Variants in LRRFIP2 observed in about 807,000 individuals in gnomAD.
LRRFIP2 encodes leucine-rich repeat flightless-interacting protein 2.
A neutral mutation model predicts 125.9 loss-of-function variants in LRRFIP2; 109 were observed. That is an observed-to-expected ratio of 0.87 (90% CI 0.74 to 1.01). The LOEUF is 1.01. LRRFIP2 is among the 50% of genes least tolerant of loss of function. LRRFIP2 has a pLI of 0.00. For missense variants in LRRFIP2, 850 were observed against 862.3 expected (o/e 0.99, Z 0.18); for synonymous variants, 291 against 293.1 (o/e 0.99, Z 0.07).
At chr3:37,096,538 T>A (rs1576488253) in intron 16 of LRRFIP2, 78 bp downstream of exon 16, 1 of 907,322 alleles carries the variant, frequency 1.1e-6, no homozygotes, top group East Asian at 2.7e-5. Flanking sequence ...CCAATTGTTG[T>A]AAAATAAATA....
chr3:37,150,795 GTC>G (rs1014575360), intron 1 of LRRFIP2, among the ~76,000 whole-genome samples: 1 of 152,154 alleles, frequency 6.6e-6, no homozygotes, highest in African/African-American at 2.4e-5. Flanking sequence ...TCTCAAGTAA[GTC>G]TGTCCTAACA....
chr3:37,057,763 A>G (rs2087329645), intron 25 of LRRFIP2, among the ~76,000 whole-genome samples: 4 of 152,188 alleles, frequency 2.6e-5, no homozygotes, highest in Admixed American at 2.6e-4. Flanking sequence ...AAAAGTCACT[A>G]TTCTTATTGG....
At chr3:37,169,444 T>C (rs963851444) in intron 1 of LRRFIP2, among the ~76,000 whole-genome samples, 1 of 152,222 alleles carries the variant, frequency 6.6e-6, no homozygotes, top group African/African-American at 2.4e-5. Flanking sequence ...AGCTGAATTT[T>C]TTTCTACATT....
At chr3:37,062,233 C>T (rs549261265) in intron 24 of LRRFIP2, among the ~76,000 whole-genome samples, 1 of 152,322 alleles carries the variant, frequency 6.6e-6, no homozygotes, top group South Asian at 2.1e-4. Context: ...ATAATATTGT[C>T]TGATGTCTTC....
intron 21 of LRRFIP2, among the ~76,000 whole-genome samples, chr3:37,068,921 AGACCACTAAT>A: frequency 6.6e-6 from 1 of 152,342 alleles, no homozygotes; most frequent in Non-Finnish European, 1.5e-5. Context: ...GCTAGAGGCA[AGACCACTAAT>A]GAACTGAACT....
At chr3:37,157,990 T>C (rs1008506688) in intron 1 of LRRFIP2, among the ~76,000 whole-genome samples, 3 of 152,220 alleles carry the variant, frequency 2.0e-5, no homozygotes, top group African/African-American at 4.8e-5. Flanking sequence ...AATCTTTCCA[T>C]TTCCTCCCTT....
chr3:37,057,256 T>C (rs1411422795), intron 25 of LRRFIP2, among the ~76,000 whole-genome samples: 2 of 152,196 alleles, frequency 1.3e-5, no homozygotes, highest in Admixed American at 1.3e-4. Context: ...TTAAATTTGC[T>C]GCTTAAGGAC....
intron 15 of LRRFIP2, among the ~76,000 whole-genome samples, chr3:37,096,971 T>C (rs1651433779): frequency 6.6e-6 from 1 of 151,942 alleles, no homozygotes; most frequent in South Asian, 2.1e-4. Flanking sequence ...GCACTGCAAA[T>C]GTTAATACAA....
At chr3:37,122,448 A>C (rs2095096268) in intron 4 of LRRFIP2, among the ~76,000 whole-genome samples, 1 of 152,304 alleles carries the variant, frequency 6.6e-6, no homozygotes, top group Admixed American at 6.5e-5. Flanking sequence ...ATACTTAACA[A>C]AGAGAACTTG....
rs185336902 is a variant in LRRFIP2 at position 37,082,951 on chromosome 3, G to C, written c.1278+685C>G. Among the ~76,000 whole-genome samples the C allele has an allele frequency of 3.3e-5, 5 of 152,192 alleles. No individual in the cohort carries two copies. In the East Asian group the frequency reaches 7.7e-4, roughly 23 times the overall value. On this transcript the variant is annotated intron_variant, in intron 19 of 27. Transcript: ENST00000336686. The stretch of plus-strand genomic sequence containing the variant: ...GATTTTTTATATTGGCAATGTAGTA[G>C]CAATCCATTTCTGGCAATAATACCC...
In LRRFIP2 at chr3:37,108,072, C is replaced by T. The variant is rs752003807; in HGVS notation, c.714+1G>A. On this transcript the variant is annotated splice_donor_variant, in intron 13 of 27. Transcript: ENST00000336686. LOFTEE classifies it high-confidence loss of function. The stretch of plus-strand genomic sequence containing the variant: ...AAGCATGCAGAGACTAGACAGCTCA[C>T]CCCTGGACTGCTTCGGGCTGAACTT... 13 of 1,613,438 alleles carry T rather than the reference C, an allele frequency of 8.1e-6. No homozygotes were observed. In the Admixed American group the frequency reaches 2.2e-4, roughly 27 times the overall value.
rs567639056 is a variant in LRRFIP2, at chr3:37,133,504, G to C, written c.91-4355C>G. On this transcript the variant is annotated intron_variant, in intron 2 of 27. Coordinates refer to ENST00000336686, the MANE Select transcript of LRRFIP2 (RefSeq NM_006309.4). ...TTTTGATACATGCTGCAACATGGAT[G>C]AATCTTGAAGACATTATACTAAATG... Among the ~76,000 whole-genome samples the C allele has an allele frequency of 3.9e-5, 6 of 152,332 alleles. No homozygotes were observed. In the East Asian group the frequency reaches 5.8e-4, roughly 15 times the overall value.
Position 37,109,663 on chromosome 3 carries a change from T to A in LRRFIP2, c.554A>T (p.Lys185Met). ...TCAGAAAGTACTAACCCTGTCACTC[T>A]TATATGTTGCCAGAGGGTCACTGTA... ...SLYSDPLATY[K>M]SDRASPTANS... Residue 185 changes from lysine (K) to methionine (M), a missense_variant, in exon 10 of 28, where the codon AAG (lysine) becomes ATG (methionine). By Grantham distance (95) the Lys-to-Met change is moderately conservative (BLOSUM62 -1). Transcript: ENST00000336686. 6.2e-7 allele frequency: 1 copy of A among 1,614,078 alleles called. No individual in the cohort carries two copies. The highest frequency in any genetic ancestry group is 1.1e-5 in the South Asian group (1 of 91,072).
chr3:37,109,768 T>C, intron 9 of LRRFIP2, 65 bp from the exon 10 acceptor site: 1 of 1,400,878 alleles, frequency 7.1e-7, no homozygotes, highest in African/African-American at 1.4e-5. Context: ...CTCACCATCA[T>C]GAATGCAGAG....
At chr3:37,098,260 T>C (rs2093824358) in intron 15 of LRRFIP2, among the ~76,000 whole-genome samples, 1 of 151,880 alleles carries the variant, frequency 6.6e-6, no homozygotes, top group African/African-American at 2.4e-5. Flanking sequence ...TCAAAGCAGG[T>C]AATGACAGCG....
intron 6 of LRRFIP2, among the ~76,000 whole-genome samples, chr3:37,118,620 C>T (rs2094895304): frequency 6.6e-6 from 1 of 152,158 alleles, no homozygotes; most frequent in Admixed American, 6.5e-5. Context: ...AGCACTGACA[C>T]CAACATTTCC....
At position 37,148,931 on chromosome 3, in the gene LRRFIP2, G is replaced by C. The variant is rs1560074996; in HGVS notation, c.53C>G (p.Ser18Cys). The change falls in exon 2 of 28, where the codon TCT becomes TGT. Residue 18 changes from serine to cysteine, a missense_variant. Transcript: ENST00000336686. ...GTTACTCAAAGCTTCATCTTCTGCAGAAAATCGGTCTTTCACAGGTGTTCT... is the reference window on the plus strand; with the variant it reads ...GTTACTCAAAGCTTCATCTTCTGCACAAAATCGGTCTTTCACAGGTGTTCT... The part of the protein sequence containing the change: ...RKRTPVKDRF[S>C]AEDEALSNIA... 6.2e-7 allele frequency: 1 copy of C among 1,614,142 alleles called. No individual in the cohort carries two copies. The highest frequency in any genetic ancestry group is 1.3e-5 in the African/African-American group (1 of 75,052).
intron 6 of LRRFIP2, among the ~76,000 whole-genome samples, chr3:37,120,102 A>G (rs932386531): frequency 2.7e-5 from 4 of 148,534 alleles, no homozygotes; most frequent in African/African-American, 9.9e-5. Context: ...ATCTGTTAAT[A>G]TTCTTTTTTT....
At position 37,075,033 on chromosome 3, in the gene LRRFIP2, C is replaced by A; in HGVS notation, c.1362G>T (p.Glu454Asp). Residue 454 changes from glutamate to aspartate, a missense_variant, in exon 20 of 28, where the codon GAG becomes GAT. Coordinates refer to ENST00000336686, the MANE Select transcript of LRRFIP2 (RefSeq NM_006309.4). ...ELKEGLRQRD[E>D]LIEEKQRMQQ... ...CAGTTCATGTACATACCTCAATAAG[C>A]TCATCTCTTTGCCGCAGGCCTTCTT... 1 of 1,610,994 alleles carries A rather than the reference C, an allele frequency of 6.2e-7. No individual in the cohort carries two copies. Among genetic ancestry groups the A allele is most frequent in the Non-Finnish European group, 8.5e-7 (1 of 1,178,098 alleles).
Sources: gnomAD v4.1 joint callset for allele counts (sites outside exome capture counted in the v4.1 genomes callset) on GRCh38, gnomAD v4.1.1 for gene constraint, MANE v1.5 for transcripts, NCBI Gene and HGNC (gene_info 2026-07-23, HGNC 2026-07-21) for gene names.